CKAP5: variants seen among roughly 807,000 people sequenced by gnomAD.
The protein encoded by CKAP5 is cytoskeleton associated protein 5, also known as cytoskeleton-associated protein 5.
CKAP5 carries 27 observed loss-of-function variants against 232.8 expected under a neutral mutation model. The ratio of observed to expected loss-of-function variants is 0.12; its 90% CI spans 0.09 to 0.16. The LOEUF (loss-of-function observed/expected upper bound fraction) is 0.16. Ranked by LOEUF, CKAP5 falls within the 10% of genes least tolerant of loss-of-function variation. The probability of loss-of-function intolerance (pLI) is 1.00; values close to 1 mark genes in which losing one functional copy is unlikely to be tolerated. For synonymous variants in CKAP5, 785 were observed against 841.1 expected, an observed-to-expected ratio of 0.93 and a Z score of 1.16; for missense variants, 1,838 against 2,424.7, an observed-to-expected ratio of 0.76 and a Z score of 5.08.
intron 4 of CKAP5, among the ~76,000 whole-genome samples, chr11:46,814,103 G>A (rs182290537): frequency 7.6e-6 from 1 of 131,796 alleles, no homozygotes; most frequent in Non-Finnish European, 1.6e-5. Flanking sequence ...CTGCACTCCA[G>A]TCTGGGTGAC....
At chr11:46,795,538 G>A (rs1202353520) in intron 13 of CKAP5, 56 bp downstream of exon 13, 17 of 1,424,238 alleles carry the variant, frequency 1.2e-5, no homozygotes, top group South Asian at 2.8e-5. Flanking sequence ...GAACAACCAC[G>A]AACCTGAGAC....
chr11:46,761,903 A>G (rs1555161615), intron 32 of CKAP5, 97 bp downstream of exon 32: 6 of 991,776 alleles, frequency 6.0e-6, no homozygotes, highest in Non-Finnish European at 7.5e-6. Flanking sequence ...AAAGTAGTAA[A>G]AACTTAGCTA....
At chr11:46,747,633 G>T (rs531534839) in intron 42 of CKAP5, among the ~76,000 whole-genome samples, 1 of 151,620 alleles carries the variant, frequency 6.6e-6, no homozygotes, top group East Asian at 1.9e-4. Flanking sequence ...TCACTAAGAT[G>T]GTGGTATTTG....
chr11:46,756,483 TTCCATA>T (rs1237696576), intron 35 of CKAP5, among the ~76,000 whole-genome samples: 1 of 152,232 alleles, frequency 6.6e-6, no homozygotes, highest in African/African-American at 2.4e-5. Context: ...CAATCTGATG[TTCCATA>T]CCCTGATACT....
chr11:46,776,108 C>CG (rs2065288919), intron 24 of CKAP5, 147 bp downstream of exon 24: 5 of 582,314 alleles, frequency 8.6e-6, no homozygotes, highest in Non-Finnish European at 1.3e-5. Flanking sequence ...CACATGAATA[C>CG]AAAGGCCCCA....
chr11:46,798,236 T>C, intron 9 of CKAP5, 64 bp from the exon 10 acceptor site: 1 of 1,158,386 alleles, frequency 8.6e-7, no homozygotes, highest in Non-Finnish European at 1.3e-6. Flanking sequence ...TGATATATCC[T>C]AGAACATGGC....
At chr11:46,752,219 C>CGCAT (rs1555160696) in intron 38 of CKAP5, among the ~76,000 whole-genome samples, 1 of 86,222 alleles carries the variant, frequency 1.2e-5, no homozygotes, top group Non-Finnish European at 2.6e-5. Flanking sequence ...CACACACACA[C>CGCAT]ACACACACAC....
intron 35 of CKAP5, among the ~76,000 whole-genome samples, chr11:46,758,019 C>T (rs1486099317): frequency 6.6e-6 from 1 of 152,094 alleles, no homozygotes; most frequent in Non-Finnish European, 1.5e-5. Flanking sequence ...TCCTGAGCAG[C>T]TGGGACTCCA....
chr11:46,809,672 AAC>A, intron 6 of CKAP5, 68 bp downstream of exon 6: 4 of 1,568,550 alleles, frequency 2.6e-6, no homozygotes, highest in Non-Finnish European at 2.6e-6. Flanking sequence ...ATGCCTAATG[AAC>A]ACAGATTCTC....
intron 24 of CKAP5, among the ~76,000 whole-genome samples, chr11:46,775,532 T>C (rs926563712): frequency 2.0e-5 from 3 of 152,334 alleles, no homozygotes; most frequent in East Asian, 1.9e-4. Flanking sequence ...CGTATGTTTA[T>C]TGCAGCACTA....
At chr11:46,823,471 T>C (rs1006959014) in intron 1 of CKAP5, among the ~76,000 whole-genome samples, 1 of 152,234 alleles carries the variant, frequency 6.6e-6, no homozygotes, top group Admixed American at 6.5e-5. Flanking sequence ...TTTTGTTATA[T>C]GATCACAAAC....
intron 1 of CKAP5, among the ~76,000 whole-genome samples, chr11:46,830,908 CAA>C (rs1565757570): frequency 6.6e-6 from 1 of 151,696 alleles, no homozygotes; most frequent in African/African-American, 2.4e-5. Context: ...ACTAAAAATA[CAA>C]AAAAATTAGC....
chr11:46,776,165 T>G, intron 24 of CKAP5, 90 bp downstream of exon 24: 1 of 1,071,520 alleles, frequency 9.3e-7, no homozygotes, highest in East Asian at 2.5e-5. Flanking sequence ...AAACTCATTC[T>G]AACCATAAAT....
intron 29 of CKAP5, 127 bp downstream of exon 29, chr11:46,763,354 A>G: frequency 1.0e-6 from 1 of 1,002,242 alleles, no homozygotes; most frequent in Non-Finnish European, 1.4e-6. Context: ...CCAAATAACA[A>G]GACAGCTCTA....
At chr11:46,752,193 T>TATATATATATATATACACACACACACAC (rs1408030107) in intron 38 of CKAP5, among the ~76,000 whole-genome samples, 1 of 66,554 alleles carries the variant, frequency 1.5e-5, no homozygotes, top group African/African-American at 5.1e-5. Context: ...TATATATATA[T>TATATATATATATATACACACACACACAC]ACACACACAC....
intron 38 of CKAP5, 124 bp from the exon 39 acceptor site, chr11:46,751,658 C>T (rs2065065431): frequency 1.3e-6 from 1 of 778,832 alleles, no homozygotes; most frequent in African/African-American, 1.7e-5. Flanking sequence ...TGTGGCACAT[C>T]ATATCTTTCA....
intron 4 of CKAP5, among the ~76,000 whole-genome samples, chr11:46,815,061 T>C (rs61593070): frequency 0.091 from 13,790 of 152,268 alleles, 630 homozygotes; most frequent in Non-Finnish European, 0.1. Flanking sequence ...ATTTATTTAT[T>C]TATTTTTGAG....
At chr11:46,752,183 T>TAC (rs1356619559) in intron 38 of CKAP5, among the ~76,000 whole-genome samples, 17 of 65,638 alleles carry the variant, frequency 2.6e-4, no homozygotes, top group African/African-American at 7.9e-4. Context: ...TATATATATA[T>TAC]ATATATATAT....
intron 8 of CKAP5, among the ~76,000 whole-genome samples, chr11:46,803,719 A>G (rs1939089561): frequency 6.6e-6 from 1 of 152,206 alleles, no homozygotes; most frequent in African/African-American, 2.4e-5. Flanking sequence ...ACTTGTGTTA[A>G]GTTCACTTTT....
Sources: gnomAD v4.1 joint callset for allele counts (sites outside exome capture counted in the v4.1 genomes callset) on GRCh38, gnomAD v4.1.1 for gene constraint, MANE v1.5 for transcripts, NCBI Gene and HGNC (gene_info 2026-07-23, HGNC 2026-07-21) for gene names.